ANKFN1: variants seen among roughly 807,000 people sequenced by gnomAD.
ANKFN1 encodes the protein ankyrin repeat and fibronectin type-III domain-containing protein 1.
In ANKFN1, 74 loss-of-function variants were observed where a neutral mutation model predicts 108.7. The ratio of observed to expected loss-of-function variants is 0.68; its 90% CI spans 0.56 to 0.83. The LOEUF (loss-of-function observed/expected upper bound fraction) is 0.83, where lower values mean the gene tolerates loss of function less well. ANKFN1 is among the 40% of genes least tolerant of loss of function. The probability of loss-of-function intolerance (pLI) is 0.00; values close to 1 mark genes in which losing one functional copy is unlikely to be tolerated. For synonymous variants in ANKFN1, 547 were observed against 516.2 expected (o/e 1.06, Z -0.81); for missense variants, 1,505 against 1,382.3 (o/e 1.09, Z -1.41).
At chr17:56,481,932 C>CT (rs1179494959) in intron 17 of ANKFN1, among the ~76,000 whole-genome samples, 4 of 152,040 alleles carry the variant, frequency 2.6e-5, no homozygotes, top group African/African-American at 9.7e-5. Context: ...GCCTAACTGC[C>CT]TAACAGTGCA....
At chr17:56,306,865 G>GGTTACA (rs1268076425) in intron 3 of ANKFN1, among the ~76,000 whole-genome samples, 1 of 152,142 alleles carries the variant, frequency 6.6e-6, no homozygotes, top group Non-Finnish European at 1.5e-5. Context: ...GCATGGTACT[G>GGTTACA]GTACCAAAAC....
intron 8 of ANKFN1, among the ~76,000 whole-genome samples, chr17:56,403,153 G>A (rs2047814729): frequency 6.6e-6 from 1 of 152,104 alleles, no homozygotes; most frequent in Non-Finnish European, 1.5e-5. Flanking sequence ...ATGTGCTGTT[G>A]AATAGAATGT....
chr17:56,198,290 C>T (rs1913700135), intron 1 of ANKFN1, among the ~76,000 whole-genome samples: 1 of 152,216 alleles, frequency 6.6e-6, no homozygotes, highest in Non-Finnish European at 1.5e-5. Flanking sequence ...TACCCTTTTA[C>T]AAACCATTGG....
intron 4 of ANKFN1, among the ~76,000 whole-genome samples, chr17:56,064,334 A>G (rs1191607259): frequency 1.3e-5 from 2 of 152,200 alleles, no homozygotes; most frequent in Admixed American, 6.5e-5. Flanking sequence ...ACAGGAGGAA[A>G]GGCTAAGTGT....
At chr17:56,221,800 T>G (rs1915912270) in intron 2 of ANKFN1, among the ~76,000 whole-genome samples, 1 of 152,214 alleles carries the variant, frequency 6.6e-6, no homozygotes, top group South Asian at 2.1e-4. Flanking sequence ...GTTTTGGAAG[T>G]GGTGGTCAGA....
intron 2 of ANKFN1, among the ~76,000 whole-genome samples, chr17:56,218,213 C>CTCCCTCCCTCCCCTCT (rs1915573832): frequency 6.9e-6 from 1 of 144,750 alleles, no homozygotes; most frequent in Admixed American, 6.9e-5. Context: ...CTTCCCCACC[C>CTCCCTCCCTCCCCTCT]TCCCTCCCTC....
chr17:56,382,170 A>G (rs1410050906), intron 8 of ANKFN1, among the ~76,000 whole-genome samples: 2 of 152,236 alleles, frequency 1.3e-5, no homozygotes, highest in Non-Finnish European at 2.9e-5. Context: ...AATGGGGGCC[A>G]ATATTCAACA....
intron 3 of ANKFN1, among the ~76,000 whole-genome samples, chr17:56,301,913 T>C (rs1466507693): frequency 6.6e-6 from 1 of 152,216 alleles, no homozygotes; most frequent in African/African-American, 2.4e-5. Context: ...TTTTACATGA[T>C]TAAGATGTTG....
intron 1 of ANKFN1, among the ~76,000 whole-genome samples, chr17:56,189,974 T>G (rs1455993306): frequency 6.9e-6 from 1 of 144,920 alleles, no homozygotes; most frequent in African/African-American, 2.6e-5. Flanking sequence ...CAAATGATGC[T>G]GGGACAACTG....
intron 4 of ANKFN1, among the ~76,000 whole-genome samples, chr17:56,120,436 G>T (rs1255621198): frequency 1.3e-5 from 2 of 152,050 alleles, no homozygotes; most frequent in Non-Finnish European, 2.9e-5. Flanking sequence ...CTTGGGATAT[G>T]CTATCCTCAG....
intron 9 of ANKFN1, among the ~76,000 whole-genome samples, chr17:56,441,416 G>T (rs1191535672): frequency 6.6e-6 from 1 of 151,958 alleles, no homozygotes; most frequent in Non-Finnish European, 1.5e-5. Context: ...TGGAATTTTT[G>T]ATGCTTGGGT....
At chr17:56,281,407 T>C (rs895675001) in intron 3 of ANKFN1, among the ~76,000 whole-genome samples, 2 of 152,192 alleles carry the variant, frequency 1.3e-5, no homozygotes, top group African/African-American at 4.8e-5. Context: ...ATTAATTTTA[T>C]ATGGATCACA....
At chr17:56,347,175 A>G (rs1289028856) in intron 4 of ANKFN1, among the ~76,000 whole-genome samples, 1 of 152,006 alleles carries the variant, frequency 6.6e-6, no homozygotes, top group African/African-American at 2.4e-5. Context: ...ATAAACAAAC[A>G]CACAGAAGTC....
intron 3 of ANKFN1, among the ~76,000 whole-genome samples, chr17:56,268,620 CA>C (rs2043715159): frequency 6.6e-6 from 1 of 151,834 alleles, no homozygotes; most frequent in Non-Finnish European, 1.5e-5. Flanking sequence ...AAAACCCATA[CA>C]AAAGACTAAC....
At chr17:56,124,113 C>T (rs558380522) in intron 4 of ANKFN1, among the ~76,000 whole-genome samples, 81 of 152,176 alleles carry the variant, frequency 5.3e-4, no homozygotes, top group African/African-American at 1.7e-3. Context: ...CCTGGGGTGT[C>T]GAGTTAAAAT....
chr17:56,208,507 C>T (rs1241239641), intron 1 of ANKFN1, among the ~76,000 whole-genome samples: 1 of 152,170 alleles, frequency 6.6e-6, no homozygotes, highest in Non-Finnish European at 1.5e-5. Flanking sequence ...GCAAAATCTC[C>T]TAGGGGTAAA....
chr17:56,153,436 T>C (rs1016851862), upstream of ANKFN1: 3 of 1,576,472 alleles, frequency 1.9e-6, no homozygotes, highest in Non-Finnish European at 2.6e-6. Flanking sequence ...CGGGACCGTG[T>C]GGACATTCGC....
chr17:56,269,247 C>T (rs2043731108), intron 3 of ANKFN1, among the ~76,000 whole-genome samples: 1 of 152,190 alleles, frequency 6.6e-6, no homozygotes, highest in African/African-American at 2.4e-5. Flanking sequence ...AAGACAAATA[C>T]ATTTCACTGT....
chr17:56,248,807 G>A (rs1050515383), intron 3 of ANKFN1, among the ~76,000 whole-genome samples: 3 of 152,190 alleles, frequency 2.0e-5, no homozygotes, highest in African/African-American at 7.2e-5. Context: ...CCTAGGGGAA[G>A]GATGAAAGTA....
Sources: allele counts gnomAD v4.1 joint callset (sites outside exome capture counted in the v4.1 genomes callset), GRCh38; gene constraint gnomAD v4.1.1; transcripts MANE v1.5; gene names NCBI Gene and HGNC (gene_info 2026-07-23, HGNC 2026-07-21).